The following SEC31A variants were observed in gnomAD, a reference collection of about 807,000 sequenced individuals.
The protein encoded by SEC31A is protein transport protein Sec31A.
In SEC31A, 70 loss-of-function variants were observed where a neutral mutation model predicts 151.0. That is an observed-to-expected ratio of 0.46 (90% CI 0.38 to 0.57). The LOEUF is 0.57. SEC31A is among the 20% of genes least tolerant of loss of function. SEC31A has a pLI of 0.00. For missense variants in SEC31A, 1,330 were observed against 1,471.2 expected (o/e 0.90, Z 1.57); for synonymous variants, 475 against 505.9 (o/e 0.94, Z 0.82).
chr4:82,882,848 T>C (rs1208931868), intron 1 of SEC31A, among the ~76,000 whole-genome samples: 1 of 152,228 alleles, frequency 6.6e-6, no homozygotes, highest in Non-Finnish European at 1.5e-5. Context: ...TCAGGCATGG[T>C]GGCTCATGCT....
At chr4:82,885,124 A>G (rs1291244513) in intron 1 of SEC31A, among the ~76,000 whole-genome samples, 1 of 152,174 alleles carries the variant, frequency 6.6e-6, no homozygotes, top group Non-Finnish European at 1.5e-5. Context: ...CTTTACATGT[A>G]TACTTTTGCC....
intron 6 of SEC31A, among the ~76,000 whole-genome samples, chr4:82,874,043 T>C (rs1321527222): frequency 1.3e-5 from 2 of 152,104 alleles, no homozygotes; most frequent in Non-Finnish European, 2.9e-5. Context: ...CTCATGCCTG[T>C]AATCCCAGCA....
chr4:82,860,841 G>A (rs1026789596), intron 14 of SEC31A, among the ~76,000 whole-genome samples: 1 of 151,922 alleles, frequency 6.6e-6, no homozygotes, highest in Non-Finnish European at 1.5e-5. Flanking sequence ...TAAACTCTAG[G>A]AGATCCACTT....
At chr4:82,862,702 T>C in intron 12 of SEC31A, 130 bp from the exon 13 acceptor site, 2 of 711,408 alleles carry the variant, frequency 2.8e-6, no homozygotes, top group Admixed American at 2.6e-5. Flanking sequence ...TTTAAAAAAA[T>C]TAAAAAAGCT....
At chr4:82,840,229 G>C (rs1469569533) in intron 22 of SEC31A, among the ~76,000 whole-genome samples, 1 of 152,072 alleles carries the variant, frequency 6.6e-6, no homozygotes, top group Non-Finnish European at 1.5e-5. Flanking sequence ...GCCAGAACAT[G>C]TCCAATATGA....
Position 82,824,640 on chromosome 4 carries a change from T to C in SEC31A, c.3326A>G (p.Lys1109Arg). The change falls in exon 25 of 27, where the codon AAG becomes AGG. Residue 1109 changes from lysine (K) to arginine (R), a missense_variant. Physicochemically the swap from Lys to Arg is conservative, Grantham distance 26. Coordinates refer to ENST00000395310, the MANE Select transcript of SEC31A (RefSeq NM_001077207.4). ...VQSLPTKKITKKPIPDEHLIL... is the reference protein window; with the variant it reads ...VQSLPTKKITRKPIPDEHLIL... ...GAGGTGCTCATCTGGAATAGGTTTC[T>C]TGGTAATTTTTTTTGTTGGCAAAGA... 1 of 1,614,154 alleles carries C rather than the reference T, an allele frequency of 6.2e-7. No homozygotes were observed. The highest frequency in any genetic ancestry group is 8.5e-7 in the Non-Finnish European group (1 of 1,180,016).
intron 7 of SEC31A, among the ~76,000 whole-genome samples, chr4:82,871,019 C>A (rs1309276031): frequency 6.6e-6 from 1 of 152,106 alleles, no homozygotes; most frequent in East Asian, 1.9e-4. Flanking sequence ...TCTGTCTCTA[C>A]CAAAAAATTT....
In SEC31A at chr4:82,871,505, G is replaced by A. The variant is rs1345890904; in HGVS notation, c.782+439C>T. Reference sequence around the variant, plus strand: ...CTGACATAAACATTAAGTTCCTACGGTGGCCCATGCCTGTATTCCCAGCAC... The same window carrying A: ...CTGACATAAACATTAAGTTCCTACGATGGCCCATGCCTGTATTCCCAGCAC... On this transcript the variant is annotated intron_variant, in intron 7 of 26. Transcript: ENST00000395310. 21 of 1,031,636 alleles carry A rather than the reference G, an allele frequency of 2.0e-5. No individual in the cohort carries two copies. The East Asian group carries it at 5.5e-4, about 27-fold the overall frequency. The allele number at this position is 1,031,636 out of a possible 1,614,324, so 63.9% of individuals were successfully genotyped here.
intron 1 of SEC31A, among the ~76,000 whole-genome samples, chr4:82,883,988 CTTTT>C (rs11373334): frequency 7.9e-6 from 1 of 125,966 alleles, no homozygotes; most frequent in Non-Finnish European, 1.6e-5. Context: ...CTTTTCTATT[CTTTT>C]TTTTTTTTTT....
upstream of SEC31A, chr4:82,891,276 C>T (rs946877960): frequency 1.1e-5 from 13 of 1,170,962 alleles, no homozygotes; most frequent in African/African-American, 1.6e-5. Context: ...GCCCACCCGA[C>T]GCACAGCCCG....
chr4:82,839,010 G>C (rs4308353), intron 22 of SEC31A, among the ~76,000 whole-genome samples: 101,744 of 152,102 alleles, frequency 0.67, 36,888 homozygotes, highest in Non-Finnish European at 0.8. Flanking sequence ...TGGAGTTTTG[G>C]TCTTTCGCCC....
chr4:82,899,372 CTG>C (rs1720208302), intron 3 of SEC31A, among the ~76,000 whole-genome samples: 1 of 152,192 alleles, frequency 6.6e-6, no homozygotes, highest in African/African-American at 2.4e-5. Flanking sequence ...CTGAGTAAAA[CTG>C]TTACAAAAAT....
At chr4:82,862,682 G>T in intron 12 of SEC31A, 110 bp from the exon 13 acceptor site, 1 of 854,752 alleles carries the variant, frequency 1.2e-6, no homozygotes, top group Admixed American at 2.2e-5. Flanking sequence ...GTTCTTATAG[G>T]AATAGTATGT....
chr4:82,839,784 T>C (rs1194009245), intron 22 of SEC31A, among the ~76,000 whole-genome samples: 1 of 152,204 alleles, frequency 6.6e-6, no homozygotes, highest in Non-Finnish European at 1.5e-5. Context: ...CTGAAAAGTG[T>C]TGTCTGGCTT....
intron 19 of SEC31A, among the ~76,000 whole-genome samples, chr4:82,849,508 G>A (rs1730980829): frequency 6.6e-6 from 1 of 151,498 alleles, no homozygotes; most frequent in Non-Finnish European, 1.5e-5. Flanking sequence ...CAGTTACTCG[G>A]GAGGCTGAGG....
chr4:82,869,643 G>A (rs776244980), intron 8 of SEC31A, among the ~76,000 whole-genome samples: 6 of 151,820 alleles, frequency 4.0e-5, no homozygotes, highest in Non-Finnish European at 4.4e-5. Context: ...AATGATATGC[G>A]GTAAAATTTA....
At position 82,819,103 on chromosome 4, in the gene SEC31A, G is replaced by A; in HGVS notation, c.3634C>T (p.Leu1212Phe). 1 of 1,610,918 alleles carries A rather than the reference G, an allele frequency of 6.2e-7. No individual in the cohort carries two copies. The highest frequency in any genetic ancestry group is 1.1e-5 in the South Asian group (1 of 90,126). The change falls in exon 27 of 27, where the codon CTC (leucine) becomes TTC (phenylalanine). Residue 1212 changes from leucine (L) to phenylalanine (F), a missense_variant. Coordinates refer to ENST00000395310, the MANE Select transcript of SEC31A (RefSeq NM_001077207.4). ...SAFMPVLKVV[L>F]TQANKLGV Reference sequence around the variant, plus strand: ...ACACCCAGCTTATTGGCCTGGGTGAGAACAACTTTGAGAACTGGCATGAAA... The same window carrying A: ...ACACCCAGCTTATTGGCCTGGGTGAAAACAACTTTGAGAACTGGCATGAAA...
chr4:82,891,313 G>T, upstream of SEC31A: 3 of 873,448 alleles, frequency 3.4e-6, no homozygotes, highest in Non-Finnish European at 5.2e-6. Context: ...ACCGGCGGTA[G>T]CCTGGGAGGC....
intron 22 of SEC31A, among the ~76,000 whole-genome samples, chr4:82,838,019 T>C (rs567713259): frequency 6.6e-6 from 1 of 152,328 alleles, no homozygotes; most frequent in African/African-American, 2.4e-5. Flanking sequence ...TGTCACAGGT[T>C]TAAAATGAGT....
Sources: allele counts gnomAD v4.1 joint callset (sites outside exome capture counted in the v4.1 genomes callset), GRCh38; gene constraint gnomAD v4.1.1; transcripts MANE v1.5; gene names NCBI Gene and HGNC (gene_info 2026-07-23, HGNC 2026-07-21).